The following RIPOR3 variants were observed in gnomAD, a reference collection of about 807,000 sequenced individuals.
The protein encoded by RIPOR3 is RIPOR family member 3, also known as family with sequence similarity 65 member C.
A neutral mutation model predicts 114.3 loss-of-function variants in RIPOR3; 95 were observed. The observed-to-expected ratio is 0.83, with a 90% CI of 0.70 to 0.99. The LOEUF is 0.99. RIPOR3 is among the 50% of genes least tolerant of loss of function. RIPOR3 has a pLI of 0.00. For missense variants in RIPOR3, 1,252 were observed against 1,266.9 expected (o/e 0.99, Z 0.18); for synonymous variants, 575 against 543.8 (o/e 1.06, Z -0.80).
At chr20:50,633,065 A>G (rs1179801431) in intron 1 of RIPOR3, among the ~76,000 whole-genome samples, 2 of 152,174 alleles carry the variant, frequency 1.3e-5, no homozygotes, top group Non-Finnish European at 2.9e-5. Flanking sequence ...GGAGTTCAAG[A>G]CCAGCCTGGG....
At chr20:50,594,402 C>T in intron 17 of RIPOR3, 151 bp downstream of exon 17, 2 of 940,796 alleles carry the variant, frequency 2.1e-6, no homozygotes, top group Non-Finnish European at 3.1e-6. Context: ...GTGACTCGCA[C>T]TGAAGCTGAG....
chr20:50,599,409 A>T (rs187066635), intron 13 of RIPOR3, among the ~76,000 whole-genome samples: 33 of 152,248 alleles, frequency 2.2e-4, no homozygotes, highest in Admixed American at 1.2e-3. Context: ...AAAGGAAAAA[A>T]AAAAGCTATT....
chr20:50,663,362 C>G (rs1425613296), intron 1 of RIPOR3, among the ~76,000 whole-genome samples: 2 of 152,306 alleles, frequency 1.3e-5, no homozygotes, highest in East Asian at 1.9e-4. Flanking sequence ...TTCTGTTCGG[C>G]TTCACAGTGT....
At chr20:50,661,644 C>T (rs953367127) in intron 1 of RIPOR3, among the ~76,000 whole-genome samples, 2 of 152,164 alleles carry the variant, frequency 1.3e-5, no homozygotes, top group African/African-American at 2.4e-5. Flanking sequence ...GCTGTCCCCA[C>T]GACAACCCCT....
chr20:50,647,635 A>G (rs1469078484), intron 1 of RIPOR3, among the ~76,000 whole-genome samples: 2 of 151,494 alleles, frequency 1.3e-5, no homozygotes, highest in Non-Finnish European at 2.9e-5. Context: ...GGCGCCCGCT[A>G]CCATGCCCGG....
At position 50,684,914 on chromosome 20, in the gene RIPOR3, C is replaced by G. The variant is rs912524758; in HGVS notation, c.3+6212G>C. Among the ~76,000 whole-genome samples the G allele has an allele frequency of 2.6e-5, 4 of 152,130 alleles. No individual in the cohort carries two copies. The East Asian group carries it at 7.7e-4, about 29-fold the overall frequency. On this transcript the variant is annotated intron_variant, in intron 1 of 21. Coordinates refer to ENST00000327979, the MANE Select transcript of RIPOR3 (RefSeq NM_001290268.2). Reference sequence around the variant, plus strand: ...CCTCAGTTTCCCGAGTACCTGGGACCACAGGTGCATGCAACCACACCCAGC... The same window carrying G: ...CCTCAGTTTCCCGAGTACCTGGGACGACAGGTGCATGCAACCACACCCAGC...
At chr20:50,609,052 A>C (rs1041011026) in intron 8 of RIPOR3, 97 bp from the exon 9 acceptor site, 1 of 1,505,464 alleles carries the variant, frequency 6.6e-7, no homozygotes, top group Non-Finnish European at 9.0e-7. Context: ...ATAGATTTTC[A>C]GTTTCAGTGG....
chr20:50,660,913 G>T (rs984120446), intron 1 of RIPOR3, among the ~76,000 whole-genome samples: 23 of 151,100 alleles, frequency 1.5e-4, no homozygotes, highest in African/African-American at 5.6e-4. Flanking sequence ...GGAACTACAG[G>T]AACCACCACA....
At chr20:50,674,353 C>G (rs2086621421) in intron 1 of RIPOR3, among the ~76,000 whole-genome samples, 1 of 151,860 alleles carries the variant, frequency 6.6e-6, no homozygotes, top group Admixed American at 6.6e-5. Flanking sequence ...AGAGATAATC[C>G]TGGGACCTAT....
intron 13 of RIPOR3, among the ~76,000 whole-genome samples, chr20:50,601,369 G>A (rs2083487049): frequency 6.6e-6 from 1 of 152,202 alleles, no homozygotes; most frequent in Non-Finnish European, 1.5e-5. Flanking sequence ...GGGAGGAGGA[G>A]GTTGCAGTGA....
intron 4 of RIPOR3, chr20:50,614,642 G>A (rs1014336618): frequency 2.9e-5 from 5 of 170,312 alleles, no homozygotes; most frequent in African/African-American, 9.6e-5. Flanking sequence ...ATAAAATACA[G>A]GACACCTAAT....
At chr20:50,622,164 C>G (rs182308160) in intron 2 of RIPOR3, among the ~76,000 whole-genome samples, 1 of 151,678 alleles carries the variant, frequency 6.6e-6, no homozygotes, top group Non-Finnish European at 1.5e-5. Flanking sequence ...ACTCTTAGAT[C>G]TAACTTTGGC....
chr20:50,673,920 C>T (rs2086605400), intron 1 of RIPOR3, among the ~76,000 whole-genome samples: 1 of 152,126 alleles, frequency 6.6e-6, no homozygotes, highest in Non-Finnish European at 1.5e-5. Context: ...TTTGTAGCCC[C>T]AAGTCAAGAC....
At chr20:50,616,612 G>C (rs759296848) in intron 3 of RIPOR3, among the ~76,000 whole-genome samples, 1 of 152,068 alleles carries the variant, frequency 6.6e-6, no homozygotes, top group Non-Finnish European at 1.5e-5. Context: ...CGAAAGTGCT[G>C]GGATTACAGG....
chr20:50,652,635 A>C (rs1247333736), intron 1 of RIPOR3, among the ~76,000 whole-genome samples: 1 of 151,844 alleles, frequency 6.6e-6, no homozygotes, highest in African/African-American at 2.4e-5. Context: ...AAAAGAAAGA[A>C]AGAAAAGAAA....
At chr20:50,623,275 A>AAG (rs1555852002) in intron 2 of RIPOR3, among the ~76,000 whole-genome samples, 8 of 150,908 alleles carry the variant, frequency 5.3e-5, no homozygotes, top group African/African-American at 2.0e-4. Context: ...AAAAAAAAAA[A>AAG]AAAAGAAAAA....
At chr20:50,659,143 T>A (rs1320341607) in intron 1 of RIPOR3, among the ~76,000 whole-genome samples, 2 of 152,000 alleles carry the variant, frequency 1.3e-5, no homozygotes, top group African/African-American at 2.4e-5. Context: ...AGAAAAAAAA[T>A]AATAATGCAG....
intron 1 of RIPOR3, chr20:50,653,247 C>T (rs1439961629): frequency 1.3e-5 from 2 of 152,034 alleles, no homozygotes; most frequent in Admixed American, 1.3e-4. Flanking sequence ...ACAAGCAAGT[C>T]CAGAGCAGGC....
At chr20:50,639,167 AG>A (rs939728303) in intron 1 of RIPOR3, among the ~76,000 whole-genome samples, 3 of 151,888 alleles carry the variant, frequency 2.0e-5, no homozygotes, top group African/African-American at 7.2e-5. Context: ...GCTTGAACCC[AG>A]GTGGCAGAGG....
Sources: gnomAD v4.1 joint callset for allele counts (sites outside exome capture counted in the v4.1 genomes callset) on GRCh38, gnomAD v4.1.1 for gene constraint, MANE v1.5 for transcripts, NCBI Gene and HGNC (gene_info 2026-07-23, HGNC 2026-07-21) for gene names.